The following SLC2A10 variants were observed in gnomAD, a reference collection of about 807,000 sequenced individuals.
SLC2A10 encodes solute carrier family 2, facilitated glucose transporter member 10.
Under a neutral mutation model 32.1 loss-of-function variants are expected in SLC2A10, and 25 were observed. The observed-to-expected ratio is 0.78, with a 90% CI of 0.57 to 1.09. The LOEUF is 1.09. Ranked by LOEUF, SLC2A10 falls within the 50% of genes least tolerant of loss-of-function variation. The pLI is 0.00. For missense variants in SLC2A10, 673 were observed against 686.5 expected (o/e 0.98, Z 0.22); for synonymous variants, 332 against 309.6 (o/e 1.07, Z -0.76).
intron 1 of SLC2A10, among the ~76,000 whole-genome samples, chr20:46,718,882 CCTT>C (rs1371720262): frequency 1.3e-5 from 2 of 152,134 alleles, no homozygotes; most frequent in African/African-American, 4.8e-5. Context: ...CTCAAGCAAT[CCTT>C]CTGCCTCAGC....
At chr20:46,711,361 C>G (rs1025803211) in intron 1 of SLC2A10, among the ~76,000 whole-genome samples, 7 of 152,190 alleles carry the variant, frequency 4.6e-5, no homozygotes, top group African/African-American at 1.7e-4. Flanking sequence ...CATTCTGACT[C>G]CAGTCTGCAT....
At chr20:46,713,271 T>C (rs1979037254) in intron 1 of SLC2A10, among the ~76,000 whole-genome samples, 1 of 151,400 alleles carries the variant, frequency 6.6e-6, no homozygotes, top group Non-Finnish European at 1.5e-5. Context: ...TTTTGGAAGA[T>C]GAGAAGTGCC....
At chr20:46,712,651 C>CTTTTTTTTTTTTTTT (rs11477202) in intron 1 of SLC2A10, among the ~76,000 whole-genome samples, 42 of 94,416 alleles carry the variant, frequency 4.4e-4, no homozygotes, top group Admixed American at 5.5e-4. Context: ...TTCTTTCTTT[C>CTTTTTTTTTTTTTTT]TTTTTTTTTT....
At chr20:46,721,437 C>CAAA (rs763252434) in intron 1 of SLC2A10, among the ~76,000 whole-genome samples, 3 of 116,028 alleles carry the variant, frequency 2.6e-5, no homozygotes, top group Non-Finnish European at 4.0e-5. Context: ...CCTCAATTAG[C>CAAA]AAAAAAAAAA....
At position 46,729,225 on chromosome 20, in the gene SLC2A10, T is replaced by G. The variant is rs1410731081; in HGVS notation, c.1412-128T>G. On this transcript the variant is annotated intron_variant, in intron 3 of 4. Transcript: ENST00000359271. ...ACAGCTTATTGGTCACTCTGCAAATTGACCAACGGGAACATTTGCTTTGAG... is the reference window on the plus strand; with the variant it reads ...ACAGCTTATTGGTCACTCTGCAAATGGACCAACGGGAACATTTGCTTTGAG... 5.1e-6 allele frequency: 6 copies of G among 1,167,212 alleles called. No homozygotes were observed. The African/African-American group carries it at 9.1e-5, about 18-fold the overall frequency. 72.3% of individuals were successfully genotyped at this position (1,167,212 alleles called of 1,614,324 possible).
rs200595129 is a variant in SLC2A10 at position 46,725,574 on chromosome 20, C to T, written c.538C>T (p.Leu180Phe). ...CACTGCACCTGCTGTCCTGCAATCC[C>T]TCAGCCTCCTCTTCCTCCCTGCTGG... The part of the protein sequence containing the change: ...WATAPAVLQS[L>F]SLLFLPAGTD... The change falls in exon 2 of 5, where the codon CTC (leucine) becomes TTC (phenylalanine). Residue 180 changes from leucine (L) to phenylalanine (F), a missense_variant. By Grantham distance (22) the Leu-to-Phe change is conservative. Transcript: ENST00000359271. 2 of 1,614,206 alleles carry T rather than the reference C, an allele frequency of 1.2e-6. No individual in the cohort carries two copies. Among genetic ancestry groups the T allele is most frequent in the Admixed American group, 1.7e-5 (1 of 60,028 alleles).
intron 1 of SLC2A10, among the ~76,000 whole-genome samples, chr20:46,715,233 C>T (rs893504473): frequency 2.0e-5 from 3 of 151,138 alleles, no homozygotes; most frequent in East Asian, 2.0e-4. Context: ...TTTTATTTCA[C>T]GTTTGTTTGT....
At chr20:46,723,387 A>G (rs1979669858) in intron 1 of SLC2A10, among the ~76,000 whole-genome samples, 1 of 152,162 alleles carries the variant, frequency 6.6e-6, no homozygotes, top group Admixed American at 6.5e-5. Context: ...AGTAGCCACC[A>G]ATAGCTGTGG....
At chr20:46,710,914 G>T (rs542223612) in intron 1 of SLC2A10, among the ~76,000 whole-genome samples, 31 of 151,528 alleles carry the variant, frequency 2.0e-4, no homozygotes, top group African/African-American at 7.3e-4. Context: ...TCACTCTGTC[G>T]CCAGGCTGGA....
intron 1 of SLC2A10, chr20:46,710,163 C>G (rs928197902): frequency 2.4e-6 from 1 of 425,044 alleles, no homozygotes; most frequent in Non-Finnish European, 4.1e-6. Context: ...CTGTCGCGAA[C>G]GAAACTGCGA....
rs76397759 is a variant in SLC2A10 at position 46,722,838 on chromosome 20, G to A, written c.5-2203G>A. 8.0e-3 allele frequency among the ~76,000 whole-genome samples: 1,225 copies of A among 152,274 alleles called. 20 individuals carry two copies. Among genetic ancestry groups the A allele is most frequent in the African/African-American group, 0.028 (1,161 of 41,564 alleles). On this transcript the variant is annotated intron_variant, in intron 1 of 4. Transcript: ENST00000359271. The stretch of plus-strand genomic sequence containing the variant: ...GATGAGGCATGAACTCTCCAGTTTG[G>A]CAATCCCCACCATTCTTTGTTGTCT...
chr20:46,731,196 G>A (rs984098080), intron 4 of SLC2A10, among the ~76,000 whole-genome samples: 1 of 152,186 alleles, frequency 6.6e-6, no homozygotes, highest in African/African-American at 2.4e-5. Flanking sequence ...GGCTCCTTCT[G>A]TCTTGTTGCT....
chr20:46,717,290 C>T (rs1979302891), intron 1 of SLC2A10, among the ~76,000 whole-genome samples: 1 of 152,114 alleles, frequency 6.6e-6, no homozygotes, highest in Non-Finnish European at 1.5e-5. Flanking sequence ...AAGAAATATC[C>T]TGATAGCACA....
Position 46,725,189 on chromosome 20 carries a change from G to A in SLC2A10, c.153G>A (p.Val51=), listed in dbSNP as rs1367206658. The part of the protein sequence containing the change: ...GLSCLEQEFL[V]GSLLLGALLA... ...GCTGCTTGGAGCAGGAGTTCCTGGT[G>A]GGCAGCCTGCTCCTGGGGGCTCTCC... is the stretch of plus-strand genomic sequence containing the variant. The change falls in exon 2 of 5, where the codon GTG becomes GTA. Residue 51 remains valine (V), a synonymous_variant. Transcript: ENST00000359271. 1.2e-6 allele frequency: 2 copies of A among 1,614,160 alleles called. No homozygotes were observed. Among genetic ancestry groups the A allele is most frequent in the Non-Finnish European group, 1.7e-6 (2 of 1,180,010 alleles).
At position 46,729,339 on chromosome 20, in the gene SLC2A10, C is replaced by G; in HGVS notation, c.1412-14C>G. On this transcript the variant is annotated splice_polypyrimidine_tract_variant and intron_variant, in intron 3 of 4. Coordinates refer to ENST00000359271, the MANE Select transcript of SLC2A10 (RefSeq NM_030777.4). ...CTTGGTCCTGGGCCTACACTCCCGC[C>G]CTCCTGTTTCCAGGCACCATCGGCT... The G allele has an allele frequency of 6.2e-7, 1 of 1,613,160 alleles. No homozygotes were observed. Among genetic ancestry groups the G allele is most frequent in the South Asian group, 1.1e-5 (1 of 91,038 alleles).
intron 1 of SLC2A10, among the ~76,000 whole-genome samples, chr20:46,720,300 T>C (rs1184427480): frequency 6.6e-6 from 1 of 152,118 alleles, no homozygotes; most frequent in Middle Eastern, 3.2e-3. Flanking sequence ...AAGAAGCAAA[T>C]GGCAAGAAAA....
At chr20:46,732,034 G>T (rs1036602543) in intron 4 of SLC2A10, among the ~76,000 whole-genome samples, 2 of 152,188 alleles carry the variant, frequency 1.3e-5, no homozygotes, top group African/African-American at 4.8e-5. Context: ...GGAGGCAGAT[G>T]CCGGTAGAGC....
intron 1 of SLC2A10, among the ~76,000 whole-genome samples, chr20:46,722,072 T>A (rs1211307158): frequency 2.0e-5 from 3 of 152,250 alleles, no homozygotes; most frequent in Non-Finnish European, 4.4e-5. Context: ...TATATATTCT[T>A]GGAACAGCAT....
rs1167550137 is a variant in SLC2A10, at chr20:46,726,341, T to C, written c.1288+17T>C. 6.2e-7 allele frequency: 1 copy of C among 1,603,644 alleles called. No individual in the cohort carries two copies. The highest frequency in any genetic ancestry group is 1.1e-5 in the South Asian group (1 of 90,988). ...TTGGGCCAGGTAAGTGGAGTTTTCT[T>C]GCAGGTGACTCTGGAGACTTCTACC... On this transcript the variant is annotated intron_variant, in intron 2 of 4. Transcript: ENST00000359271.
Sources: gnomAD v4.1 joint callset for allele counts (sites outside exome capture counted in the v4.1 genomes callset) on GRCh38, gnomAD v4.1.1 for gene constraint, MANE v1.5 for transcripts, NCBI Gene and HGNC (gene_info 2026-07-23, HGNC 2026-07-21) for gene names.